RSL1D1: variants seen among roughly 807,000 people sequenced by gnomAD.
RSL1D1 encodes ribosomal L1 domain containing 1, also known as ribosomal L1 domain-containing protein 1.
In RSL1D1, 34 loss-of-function variants were observed where a neutral mutation model predicts 44.6. That is an observed-to-expected ratio of 0.76 (90% CI 0.58 to 1.02). RSL1D1 has a LOEUF of 1.02. Among genes scored for constraint, RSL1D1 ranks in the 50% least tolerant of loss-of-function variants. The pLI is 0.00. For synonymous variants in RSL1D1, 271 were observed against 207.4 expected (o/e 1.31, Z -2.63); for missense variants, 767 against 568.1 (o/e 1.35, Z -3.56).
chr16:11,849,370 G>A (rs1242414566), intron 2 of RSL1D1: 2 of 146,112 alleles, frequency 1.4e-5, no homozygotes, highest in Non-Finnish European at 3.0e-5. Context: ...CTGGGCAACA[G>A]CGCAAGATCT....
At position 11,837,819 on chromosome 16, in the gene RSL1D1, G is replaced by A; in HGVS notation, c.1441C>T (p.Pro481Ser). 6.2e-7 allele frequency: 1 copy of A among 1,609,236 alleles called. No homozygotes were observed. Among genetic ancestry groups the A allele is most frequent in the Non-Finnish European group, 8.5e-7 (1 of 1,178,294 alleles). ...GACTGGGGTACTTTGGGTTTTTTGGGCCATTTTTTGGGGGTGTGGGAAGCT... is the reference window on the plus strand; with the variant it reads ...GACTGGGGTACTTTGGGTTTTTTGGACCATTTTTTGGGGGTGTGGGAAGCT... ...RKASHTPKKWPKKPKVPQST is the reference protein window; with the variant it reads ...RKASHTPKKWSKKPKVPQST The change falls in exon 9 of 9, where the codon CCC becomes TCC. Residue 481 changes from proline (P) to serine (S), a missense_variant. Coordinates refer to ENST00000571133, the MANE Select transcript of RSL1D1 (RefSeq NM_015659.3).
intron 5 of RSL1D1, 130 bp downstream of exon 5, chr16:11,846,371 G>A (rs1474913463): frequency 1.8e-6 from 1 of 555,600 alleles, no homozygotes; most frequent in Non-Finnish European, 3.1e-6. Context: ...CTCCAGCCTG[G>A]CAGACAGAGT....
intron 1 of RSL1D1, 140 bp downstream of exon 1, chr16:11,851,268 A>G: frequency 1.3e-6 from 1 of 786,782 alleles, no homozygotes; most frequent in African/African-American, 1.7e-5. Context: ...GGGGAGAGAC[A>G]GCTGAGGCAC....
At chr16:11,842,979 T>C (rs1356290346) in intron 5 of RSL1D1, among the ~76,000 whole-genome samples, 1 of 147,908 alleles carries the variant, frequency 6.8e-6, no homozygotes, top group Non-Finnish European at 1.5e-5. Context: ...TGGAGTGCAA[T>C]GGCGTGATCT....
rs907923043 is a variant in RSL1D1 at position 11,836,576 on chromosome 16, T to A, written c.*1211A>T. On this transcript the variant is annotated 3_prime_UTR_variant, in exon 9 of 9. Transcript: ENST00000571133. ...CAAGATTCCTTGGAGTTGTCATACA[T>A]AAGCAAATCCATATGGACTGAGGAA... The A allele has an allele frequency of 1.3e-5, 2 of 152,190 alleles. No homozygotes were observed. The highest frequency in any genetic ancestry group is 2.9e-5 in the Non-Finnish European group (2 of 68,036). 9.4% of individuals were successfully genotyped at this position (152,190 alleles called of 1,614,324 possible).
In RSL1D1 at chr16:11,841,819, T is replaced by C. The variant is rs749576571; in HGVS notation, c.731A>G (p.Lys244Arg). 5.0e-6 allele frequency: 8 copies of C among 1,612,974 alleles called. No individual in the cohort carries two copies. Among genetic ancestry groups the C allele is most frequent in the Non-Finnish European group, 6.8e-6 (8 of 1,179,742 alleles). The change falls in exon 7 of 9, where the codon AAG becomes AGG. Residue 244 changes from lysine (K) to arginine (R), a missense_variant and splice_region_variant. Lys to Arg is a conservative substitution (Grantham distance 26). Coordinates refer to ENST00000571133, the MANE Select transcript of RSL1D1 (RefSeq NM_015659.3). Reference sequence around the variant, plus strand: ...AAACAGGAGTTTCACGCTCTCCCACTTCTGAAACAAAGAAAAGAGTAACAT... The same window carrying C: ...AAACAGGAGTTTCACGCTCTCCCACCTCTGAAACAAAGAAAAGAGTAACAT... ...TKGLSEKLPE[K>R]WESVKLLFVK...
rs1274410749 is a variant in RSL1D1, at chr16:11,836,654, G to GT, written c.*1132dup. 1 of 152,220 alleles carries GT rather than the reference G, an allele frequency of 6.6e-6. No individual in the cohort carries two copies. The highest frequency in any genetic ancestry group is 1.5e-5 in the Non-Finnish European group (1 of 68,046). 9.4% of individuals were successfully genotyped at this position (152,220 alleles called of 1,614,324 possible). ...AAGATAAATCATGTTCTTGCCTCCGGTAGGTAGGATTCAATTTAGTCCCTG... is the reference window on the plus strand; with the variant it reads ...AAGATAAATCATGTTCTTGCCTCCGGTTAGGTAGGATTCAATTTAGTCCCTG... On this transcript the variant is annotated 3_prime_UTR_variant, in exon 9 of 9. Transcript: ENST00000571133.
chr16:11,848,169 C>T (rs911073728), intron 2 of RSL1D1, among the ~76,000 whole-genome samples: 3 of 152,170 alleles, frequency 2.0e-5, no homozygotes, highest in Non-Finnish European at 4.4e-5. Flanking sequence ...AGGATAATCG[C>T]TTCAACCCGG....
In RSL1D1 at chr16:11,838,302, T is replaced by C. The variant is rs375725732; in HGVS notation, c.1147-189A>G. ...TCTGCCTCCCGAGTAGCTGGTATTA[T>C]AGGTGTGTGCCACCACGCCCGGCTC... On this transcript the variant is annotated intron_variant, in intron 8 of 8. Coordinates refer to ENST00000571133, the MANE Select transcript of RSL1D1 (RefSeq NM_015659.3). 3.9e-4 allele frequency among the ~76,000 whole-genome samples: 59 copies of C among 152,096 alleles called. No individual in the cohort carries two copies. The East Asian group carries it at 0.011, about 28-fold the overall frequency.
intron 2 of RSL1D1, among the ~76,000 whole-genome samples, chr16:11,849,795 G>T (rs2053824200): frequency 6.6e-6 from 1 of 152,124 alleles, no homozygotes; most frequent in Non-Finnish European, 1.5e-5. Context: ...TAAGAAAACT[G>T]GTGAAATTTC....
In RSL1D1 at chr16:11,839,798, C is replaced by T. The variant is rs760933954; in HGVS notation, c.1043G>A (p.Arg348His). 73 of 1,614,000 alleles carry T rather than the reference C, an allele frequency of 4.5e-5. No individual in the cohort carries two copies. The Admixed American group carries it at 7.7e-4, about 17-fold the overall frequency. ...TTTAACTTGGGCTTTTCCTCTGCCA[C>T]GTTTTTTCTTCCCATGCTCTGGGGT... is the stretch of plus-strand genomic sequence containing the variant. ...EQTPEHGKKK[R>H]GRGKAQVKAT... The change falls in exon 8 of 9, where the codon CGT becomes CAT. Residue 348 changes from arginine (R) to histidine (H), a missense_variant. Coordinates refer to ENST00000571133, the MANE Select transcript of RSL1D1 (RefSeq NM_015659.3).
rs1749709430 is a variant in RSL1D1 at position 11,838,131 on chromosome 16, A to T, written c.1147-18T>A. Reference sequence around the variant, plus strand: ...TTTTGAATCTAAGAAAAAAAAAAGTAAGTTTAATATAGAAAAAGCCACAAA... The same window carrying T: ...TTTTGAATCTAAGAAAAAAAAAAGTTAGTTTAATATAGAAAAAGCCACAAA... On this transcript the variant is annotated intron_variant, in intron 8 of 8. Coordinates refer to ENST00000571133, the MANE Select transcript of RSL1D1 (RefSeq NM_015659.3). 1 of 1,548,286 alleles carries T rather than the reference A, an allele frequency of 6.5e-7. No individual in the cohort carries two copies. The highest frequency in any genetic ancestry group is 8.7e-7 in the Non-Finnish European group (1 of 1,150,960).
At chr16:11,846,406 A>AC (rs2053798764) in intron 5 of RSL1D1, 95 bp downstream of exon 5, 1 of 738,078 alleles carries the variant, frequency 1.4e-6, no homozygotes, top group South Asian at 1.9e-5. Flanking sequence ...AAAAAAAAAA[A>AC]CAAAAACAAA....
intron 1 of RSL1D1, chr16:11,851,155 T>A (rs1383523922): frequency 1.8e-6 from 1 of 544,996 alleles, no homozygotes; most frequent in Non-Finnish European, 3.3e-6. Flanking sequence ...CTAAGCCAGG[T>A]CGCCAGGTCT....
At position 11,839,833 on chromosome 16, in the gene RSL1D1, C is replaced by CT; in HGVS notation, c.1007dup (p.Lys337GlufsTer20). 6.2e-7 allele frequency: 1 copy of CT among 1,614,178 alleles called. No homozygotes were observed. Among genetic ancestry groups the CT allele is most frequent in the Non-Finnish European group, 8.5e-7 (1 of 1,180,034 alleles). On this transcript the variant is annotated frameshift_variant, in exon 8 of 9. Transcript: ENST00000571133. LOFTEE classifies it high-confidence loss of function. Reference sequence around the variant, plus strand: ...TCCCATGCTCTGGGGTCTGTTCCTTCTTTGATTCAGGTTTCTTCACTGTAG... The same window carrying CT: ...TCCCATGCTCTGGGGTCTGTTCCTTCTTTTGATTCAGGTTTCTTCACTGTAG...
chr16:11,848,124 G>A (rs1000934400), intron 2 of RSL1D1, among the ~76,000 whole-genome samples: 1 of 151,984 alleles, frequency 6.6e-6, no homozygotes, highest in African/African-American at 2.4e-5. Flanking sequence ...ACGGTGGTAG[G>A]TGCCTGTAAT....
chr16:11,851,211 C>T (rs1596444076), intron 1 of RSL1D1, 197 bp downstream of exon 1: 1 of 637,404 alleles, frequency 1.6e-6, no homozygotes, highest in East Asian at 2.8e-5. Context: ...TTCACTAGCG[C>T]CAGGCCGCAG....
Position 11,847,864 on chromosome 16 carries a change from T to C in RSL1D1, c.246-58A>G, listed in dbSNP as rs572918288. The C allele has an allele frequency of 4.7e-5, 71 of 1,526,366 alleles. No homozygotes were observed. The African/African-American group carries it at 7.4e-4, about 16-fold the overall frequency. The allele number at this position is 1,526,366 out of a possible 1,614,324, so 94.6% of individuals were successfully genotyped here. ...CATTATTACACACATTATGCATGTT[T>C]GTATCACACAGAATACGCGATAAAC... is the stretch of plus-strand genomic sequence containing the variant. On this transcript the variant is annotated intron_variant, in intron 2 of 8. Coordinates refer to ENST00000571133, the MANE Select transcript of RSL1D1 (RefSeq NM_015659.3).
intron 8 of RSL1D1, 66 bp downstream of exon 8, chr16:11,839,629 C>T (rs2053749469): frequency 1.9e-6 from 3 of 1,577,614 alleles, no homozygotes; most frequent in African/African-American, 2.7e-5. Context: ...TTGCTCAGCA[C>T]AGTACCTGCC....
Sources: gnomAD v4.1 joint callset for allele counts (sites outside exome capture counted in the v4.1 genomes callset) on GRCh38, gnomAD v4.1.1 for gene constraint, MANE v1.5 for transcripts, NCBI Gene and HGNC (gene_info 2026-07-23, HGNC 2026-07-21) for gene names.